Variants in POLA2 observed in about 807,000 individuals in gnomAD.
POLA2 encodes the protein DNA polymerase alpha subunit B.
In POLA2, 47 loss-of-function variants were observed where a neutral mutation model predicts 82.8. The ratio of observed to expected loss-of-function variants is 0.57; its 90% confidence interval spans 0.45 to 0.72. POLA2 has a LOEUF of 0.72. Ranked by LOEUF, POLA2 falls within the 30% of genes least tolerant of loss-of-function variation. The probability of loss-of-function intolerance (pLI) is 0.00; values close to 1 mark genes in which losing one functional copy is unlikely to be tolerated. For missense variants in POLA2, 634 were observed against 728.1 expected, an observed-to-expected ratio of 0.87 and a Z score of 1.49; for synonymous variants, 287 against 286.8, an observed-to-expected ratio of 1.00 and a Z score of -0.01.
At chr11:65,296,967 A>T (rs980359644) in intron 17 of POLA2, among the ~76,000 whole-genome samples, 153 bp from the exon 18 acceptor site, 1 of 151,224 alleles carries the variant, frequency 6.6e-6, no homozygotes, top group Non-Finnish European at 1.5e-5. Context: ...AAAAAAAAAA[A>T]GTGACTGAAA....
intron 13 of POLA2, among the ~76,000 whole-genome samples, chr11:65,292,786 CAT>C (rs1164711765): frequency 6.6e-6 from 1 of 152,182 alleles, no homozygotes; most frequent in African/African-American, 2.4e-5. Context: ...ACCTTTATCA[CAT>C]GTGAAAGTGT....
intron 5 of POLA2, among the ~76,000 whole-genome samples, chr11:65,277,094 A>T (rs1225161320): frequency 1.3e-5 from 2 of 151,570 alleles, no homozygotes; most frequent in Non-Finnish European, 1.5e-5. Flanking sequence ...CGGCCTTTTC[A>T]GCTCTATCAC....
Position 65,287,831 on chromosome 11 carries a change from C to T in POLA2, c.1122C>T (p.Val374=). ...IAVINHDRPD[V]CILFGPFLDA... ...TCATCAACCATGACCGGCCAGATGTCTGCATCCTGGTAAGAGGCACCAGTG... is the reference window on the plus strand; with the variant it reads ...TCATCAACCATGACCGGCCAGATGTTTGCATCCTGGTAAGAGGCACCAGTG... The change falls in exon 11 of 18, where the codon GTC becomes GTT. Residue 374 remains valine (V), a synonymous_variant. Transcript: ENST00000265465. 6.2e-7 allele frequency: 1 copy of T among 1,613,654 alleles called. No individual in the cohort carries two copies.
chr11:65,297,157 T>C lies in POLA2; in HGVS notation c.1685T>C (p.Leu562Pro). 1 of 1,614,044 alleles carries C rather than the reference T, an allele frequency of 6.2e-7. No individual in the cohort carries two copies. The highest frequency in any genetic ancestry group is 1.7e-5 in the Admixed American group (1 of 60,008). Residue 562 changes from leucine to proline, a missense_variant, in exon 18 of 18, where the codon CTT becomes CCT. Transcript: ENST00000265465. ...LGCVCVNPGR[L>P]TKGQVGGTFA... ...TGTGTCTGTGTGAACCCTGGGCGCC[T>C]TACCAAAGGGCAGGTGGGAGGCACC...
At chr11:65,294,752 CAG>C in intron 15 of POLA2, 100 bp downstream of exon 15, 1 of 783,096 alleles carries the variant, frequency 1.3e-6, no homozygotes, top group South Asian at 1.7e-5. Context: ...CGGTCTTGAC[CAG>C]AGAGAGCTGA....
At chr11:65,266,861 G>A (rs1005446774) in intron 2 of POLA2, among the ~76,000 whole-genome samples, 155 bp downstream of exon 2, 1 of 152,160 alleles carries the variant, frequency 6.6e-6, no homozygotes, top group Non-Finnish European at 1.5e-5. Flanking sequence ...CTGAGCCTCA[G>A]TTTCCTTTTC....
chr11:65,286,450 A>G (rs1010748233), intron 10 of POLA2, among the ~76,000 whole-genome samples: 2 of 151,214 alleles, frequency 1.3e-5, no homozygotes, highest in Admixed American at 1.3e-4. Context: ...TGCAGTGGGC[A>G]TGATCACAGC....
At chr11:65,279,890 G>A (rs1253467336) in intron 7 of POLA2, 4 of 382,188 alleles carry the variant, frequency 1.0e-5, no homozygotes, top group Non-Finnish European at 1.9e-5. Context: ...CCTTGGTGGT[G>A]AGTCAGGTAG....
At chr11:65,267,667 G>T in intron 3 of POLA2, 99 bp downstream of exon 3, 1 of 727,274 alleles carries the variant, frequency 1.4e-6, no homozygotes, top group South Asian at 1.9e-5. Context: ...TAATAAGGCC[G>T]GGCACGGTGG....
intron 13 of POLA2, among the ~76,000 whole-genome samples, chr11:65,290,585 C>T (rs116433278): frequency 0.01 from 1,562 of 152,180 alleles, 28 homozygotes; most frequent in African/African-American, 0.036. Context: ...TTTGAACTAC[C>T]GAGATCAGCT....
At chr11:65,283,096 A>C (rs1245309404) in intron 10 of POLA2, among the ~76,000 whole-genome samples, 5 of 152,172 alleles carry the variant, frequency 3.3e-5, no homozygotes, top group African/African-American at 1.2e-4. Context: ...ACACCATTTT[A>C]CTCCAGCCTG....
At chr11:65,268,803 G>C in intron 4 of POLA2, 74 bp downstream of exon 4, 1 of 1,021,246 alleles carries the variant, frequency 9.8e-7, no homozygotes, top group Non-Finnish European at 1.4e-6. Flanking sequence ...TTGAAGATCT[G>C]AGGGAAAAAA....
intron 11 of POLA2, among the ~76,000 whole-genome samples, chr11:65,288,737 C>G (rs1949724597): frequency 6.6e-6 from 1 of 152,154 alleles, no homozygotes; most frequent in South Asian, 2.1e-4. Context: ...CCAGGCTAGT[C>G]TTGAACTCCT....
At chr11:65,304,218 T>C (rs1017383855) in intron 8 of POLA2, among the ~76,000 whole-genome samples, 1 of 150,832 alleles carries the variant, frequency 6.6e-6, no homozygotes, top group Non-Finnish European at 1.5e-5. Flanking sequence ...CATCCGTCCA[T>C]CCATTCATCT....
At chr11:65,305,179 C>T (rs897455344) in intron 8 of POLA2, among the ~76,000 whole-genome samples, 1 of 152,138 alleles carries the variant, frequency 6.6e-6, no homozygotes, top group Admixed American at 6.6e-5. Context: ...CAGAAGTGGC[C>T]TCTGCCTCTA....
At position 65,281,663 on chromosome 11, in the gene POLA2, C is replaced by G; in HGVS notation, c.901-7C>G. 6.2e-7 allele frequency: 1 copy of G among 1,610,642 alleles called. No individual in the cohort carries two copies. Among genetic ancestry groups the G allele is most frequent in the Non-Finnish European group, 8.5e-7 (1 of 1,176,812 alleles). On this transcript the variant is annotated splice_region_variant and splice_polypyrimidine_tract_variant and intron_variant, in intron 8 of 17. Coordinates refer to ENST00000265465, the MANE Select transcript of POLA2 (RefSeq NM_002689.4). ...GCTTAGCAATCCTGTTTGTTTTTGTCTTTCAGGTTGTAATTATGGAAGGAA... is the reference window on the plus strand; with the variant it reads ...GCTTAGCAATCCTGTTTGTTTTTGTGTTTCAGGTTGTAATTATGGAAGGAA...
At chr11:65,285,239 A>C (rs1442876582) in intron 10 of POLA2, among the ~76,000 whole-genome samples, 3 of 152,132 alleles carry the variant, frequency 2.0e-5, no homozygotes, top group Non-Finnish European at 4.4e-5. Context: ...CCCCATCTCC[A>C]CTAAAAAATA....
rs751059025 is a variant in POLA2, at chr11:65,279,537, G to A, written c.656-1G>A. The A allele has an allele frequency of 6.2e-7, 1 of 1,604,542 alleles. No homozygotes were observed. The highest frequency in any genetic ancestry group is 1.1e-5 in the South Asian group (1 of 90,058). On this transcript the variant is annotated splice_acceptor_variant, in intron 6 of 17. Coordinates refer to ENST00000265465, the MANE Select transcript of POLA2 (RefSeq NM_002689.4). LOFTEE classifies it high-confidence loss of function. ...ACTTTTTTCCACTTCTGGGATTGTA[G>A]TTCTGACCTGTAAGATAGAAGAACT...
At chr11:65,279,709 T>C (rs773164867) in intron 7 of POLA2, 83 bp downstream of exon 7, 1 of 972,042 alleles carries the variant, frequency 1.0e-6, no homozygotes, top group Non-Finnish European at 1.6e-6. Context: ...TGCTTCCTTT[T>C]TCACTTCTTG....
Sources: allele counts gnomAD v4.1 joint callset (sites outside exome capture counted in the v4.1 genomes callset), GRCh38; gene constraint gnomAD v4.1.1; transcripts MANE v1.5; gene names NCBI Gene and HGNC (gene_info 2026-07-23, HGNC 2026-07-21).